Variants in MOB3B observed in about 807,000 individuals in gnomAD.
MOB3B encodes MOB kinase activator-like 2B.
MOB3B carries 7 observed loss-of-function variants against 18.7 expected under a neutral mutation model. That is an observed-to-expected ratio of 0.37 (90% CI 0.21 to 0.70). The LOEUF is 0.70. Ranked by LOEUF, MOB3B falls within the 30% of genes least tolerant of loss-of-function variation. The pLI is 0.52. For missense variants in MOB3B, 253 were observed against 281.3 expected (o/e 0.90, Z 0.72); for synonymous variants, 111 against 99.9 (o/e 1.11, Z -0.66).
chr9:27,346,722 C>T (rs904892991), intron 3 of MOB3B, among the ~76,000 whole-genome samples: 3 of 152,156 alleles, frequency 2.0e-5, no homozygotes, highest in African/African-American at 4.8e-5. Context: ...AGGCCGGGTG[C>T]GGTGGCTCAT....
chr9:27,508,545 A>AT (rs1028900253), intron 1 of MOB3B, among the ~76,000 whole-genome samples: 139 of 152,182 alleles, frequency 9.1e-4, no homozygotes, highest in African/African-American at 2.8e-3. Context: ...ATTAAAACTA[A>AT]TTTTTTTCAT....
intron 1 of MOB3B, among the ~76,000 whole-genome samples, chr9:27,462,350 A>G (rs1281217831): frequency 4.6e-5 from 7 of 152,228 alleles, no homozygotes; most frequent in Non-Finnish European, 1.0e-4. Context: ...GAAAAAAACA[A>G]TATCTAAGTC....
At chr9:27,371,653 A>G (rs1023197274) in intron 2 of MOB3B, among the ~76,000 whole-genome samples, 9 of 152,240 alleles carry the variant, frequency 5.9e-5, no homozygotes, top group Non-Finnish European at 1.0e-4. Context: ...GGGATTACAA[A>G]GGAACATGAA....
intron 2 of MOB3B, among the ~76,000 whole-genome samples, chr9:27,396,467 C>T (rs942374479): frequency 4.6e-5 from 7 of 152,174 alleles, no homozygotes; most frequent in South Asian, 4.1e-4. Flanking sequence ...CTAATAAATC[C>T]TGTTTCCTAC....
At chr9:27,524,576 G>A (rs151304591) in intron 1 of MOB3B, 7 of 1,614,082 alleles carry the variant, frequency 4.3e-6, no homozygotes, top group African/African-American at 1.3e-5. Context: ...AACCTATGAA[G>A]AGGGACATCA....
At chr9:27,368,868 A>G (rs993594168) in intron 2 of MOB3B, among the ~76,000 whole-genome samples, 18 of 151,862 alleles carry the variant, frequency 1.2e-4, no homozygotes, top group African/African-American at 4.4e-4. Flanking sequence ...ACCTCCTCCT[A>G]CCCCTGAGCG....
intron 3 of MOB3B, among the ~76,000 whole-genome samples, chr9:27,337,902 G>C (rs935391430): frequency 1.4e-4 from 22 of 152,164 alleles, no homozygotes; most frequent in African/African-American, 4.8e-4. Context: ...TGTTCTCTCT[G>C]AATCGTCCAG....
intron 1 of MOB3B, among the ~76,000 whole-genome samples, chr9:27,482,110 C>A (rs1384867813): frequency 6.6e-6 from 1 of 152,154 alleles, no homozygotes; most frequent in Non-Finnish European, 1.5e-5. Flanking sequence ...AAAAAAACAA[C>A]TCTTTCAAAC....
At chr9:27,357,882 T>G (rs1821214077) in intron 3 of MOB3B, among the ~76,000 whole-genome samples, 1 of 51,548 alleles carries the variant, frequency 1.9e-5, no homozygotes, top group Non-Finnish European at 3.6e-5. Context: ...TGAGATCCCA[T>G]CGCTACAAAA....
intron 2 of MOB3B, among the ~76,000 whole-genome samples, chr9:27,393,295 G>A (rs920737774): frequency 6.6e-6 from 1 of 152,082 alleles, no homozygotes; most frequent in African/African-American, 2.4e-5. Context: ...TATTTGTAGA[G>A]GGCACAAAAA....
chr9:27,354,108 C>A (rs1206989877), intron 3 of MOB3B, among the ~76,000 whole-genome samples: 1 of 152,218 alleles, frequency 6.6e-6, no homozygotes, highest in Non-Finnish European at 1.5e-5. Flanking sequence ...AGGCTGCCAG[C>A]CATAGCGGCT....
chr9:27,444,242 A>AGGGAG (rs1822650494), intron 2 of MOB3B, among the ~76,000 whole-genome samples: 34 of 73,422 alleles, frequency 4.6e-4, no homozygotes, highest in African/African-American at 1.9e-3. Flanking sequence ...GAGGGAGGGA[A>AGGGAG]GGAAGGAAGG....
chr9:27,485,968 C>G (rs1017282757), intron 1 of MOB3B, among the ~76,000 whole-genome samples: 1 of 152,204 alleles, frequency 6.6e-6, no homozygotes, highest in Non-Finnish European at 1.5e-5. Flanking sequence ...TTCTTGAGCA[C>G]TTGGTACACT....
chr9:27,378,537 T>C (rs1345354837), intron 2 of MOB3B: 1 of 471,064 alleles, frequency 2.1e-6, no homozygotes, highest in Non-Finnish European at 4.4e-6. Context: ...AGGGGGCAGC[T>C]TGGCCAAAGG....
chr9:27,359,376 TGTGG>T, intron 2 of MOB3B, 140 bp from the exon 3 acceptor site: 18 of 259,972 alleles, frequency 6.9e-5, no homozygotes, highest in Non-Finnish European at 9.0e-5. Flanking sequence ...AGTGTGTGTG[TGTGG>T]GGGGGGGGGG....
chr9:27,457,258 C>T (rs1345913978), intron 1 of MOB3B, among the ~76,000 whole-genome samples: 13 of 152,140 alleles, frequency 8.5e-5, no homozygotes, highest in Non-Finnish European at 2.9e-5. Context: ...ATAGATTGGT[C>T]GGAGGTGAAG....
chr9:27,394,993 T>C (rs1022614990), intron 2 of MOB3B, among the ~76,000 whole-genome samples: 6 of 152,198 alleles, frequency 3.9e-5, no homozygotes, highest in African/African-American at 1.2e-4. Context: ...AGATTTCCAT[T>C]CACTGCTGAT....
intron 2 of MOB3B, among the ~76,000 whole-genome samples, chr9:27,426,881 A>G (rs1371328279): frequency 1.3e-5 from 2 of 152,152 alleles, no homozygotes; most frequent in Non-Finnish European, 2.9e-5. Flanking sequence ...AGAGTTCATG[A>G]CAAGTACAGA....
rs142352787 is a variant in MOB3B at position 27,357,870 on chromosome 9, A to G, written c.621+1164T>C. On this transcript the variant is annotated intron_variant, in intron 3 of 3. Coordinates refer to ENST00000262244, the MANE Select transcript of MOB3B (RefSeq NM_024761.5). ...AGTTTGAGACAAGCCTAGTCAACAT[A>G]ATGAGATCCCATCGCTACAAAAAAA... 2.9e-3 allele frequency among the ~76,000 whole-genome samples: 389 copies of G among 135,316 alleles called. 3 individuals are homozygous for G. Among genetic ancestry groups the G allele is most frequent in the African/African-American group, 0.01 (368 of 35,986 alleles). The allele number at this position is 135,316 out of a possible 152,430, so 88.8% of individuals were successfully genotyped here. A position where few individuals can be genotyped will look rare whatever the true frequency, so the allele number is the denominator to read the frequency against.
Sources: allele counts gnomAD v4.1 joint callset (sites outside exome capture counted in the v4.1 genomes callset), GRCh38; gene constraint gnomAD v4.1.1; transcripts MANE v1.5; gene names NCBI Gene and HGNC (gene_info 2026-07-23, HGNC 2026-07-21).